NSD3: variants seen among roughly 807,000 people sequenced by gnomAD.
The protein encoded by NSD3 is nuclear receptor binding SET domain protein 3.
A neutral mutation model predicts 160.8 loss-of-function variants in NSD3; 24 were observed. That is an observed-to-expected ratio of 0.15 (90% CI 0.11 to 0.21). The LOEUF (loss-of-function observed/expected upper bound fraction) is 0.21, where lower values mean the gene tolerates loss of function less well. Ranked by LOEUF, NSD3 falls within the 10% of genes least tolerant of loss-of-function variation. NSD3 has a pLI of 1.00. For synonymous variants in NSD3, 520 were observed against 600.0 expected (o/e 0.87, Z 1.95); for missense variants, 1,157 against 1,735.9 (o/e 0.67, Z 5.93).
intron 8 of NSD3, chr8:38,320,856 T>C (rs955116771): frequency 2.6e-6 from 1 of 391,058 alleles, no homozygotes; most frequent in Non-Finnish European, 4.5e-6. Context: ...TGGCTTCCCA[T>C]CTCCTGAAAC....
At chr8:38,358,297 A>C (rs1810873400) in intron 1 of NSD3, among the ~76,000 whole-genome samples, 1 of 152,164 alleles carries the variant, frequency 6.6e-6, no homozygotes, top group South Asian at 2.1e-4. Flanking sequence ...AAAATGGTGG[A>C]ATATAATATG....
intron 16 of NSD3, among the ~76,000 whole-genome samples, chr8:38,293,694 G>A (rs1272669032): frequency 4.6e-5 from 7 of 151,356 alleles, no homozygotes; most frequent in Non-Finnish European, 8.8e-5. Flanking sequence ...AGGCCGAGGC[G>A]GGCGGATCAG....
Position 38,321,233 on chromosome 8 carries a change from A to G in NSD3, c.1709-61T>C, listed in dbSNP as rs549224933. 43 of 1,385,372 alleles carry G rather than the reference A, an allele frequency of 3.1e-5. No individual in the cohort carries two copies. The South Asian group carries it at 5.2e-4, about 17-fold the overall frequency. The allele number at this position is 1,385,372 out of a possible 1,614,324, so 85.8% of individuals were successfully genotyped here. ...CTTAAGGATACCTTGACATCTATGTAATTAAGATATGACCACATTCCTTGC... is the reference window on the plus strand; with the variant it reads ...CTTAAGGATACCTTGACATCTATGTGATTAAGATATGACCACATTCCTTGC... On this transcript the variant is annotated intron_variant, in intron 7 of 23. Transcript: ENST00000317025. This position sits in a 1 kb window ranked among gnomAD's most constrained non-coding sequence, Gnocchi z 4.7.
At chr8:38,336,692 T>G (rs1212424638) in intron 4 of NSD3, among the ~76,000 whole-genome samples, 1 of 152,164 alleles carries the variant, frequency 6.6e-6, no homozygotes. Flanking sequence ...TTAGGAAATA[T>G]GAGGTCATAT....
intron 1 of NSD3, among the ~76,000 whole-genome samples, chr8:38,376,042 C>G (rs117981530): frequency 6.6e-6 from 1 of 152,130 alleles, no homozygotes; most frequent in East Asian, 1.9e-4. Context: ...AGATTTTTAA[C>G]TTGTTTTCAA....
chr8:38,369,036 T>C (rs927228282), intron 1 of NSD3, among the ~76,000 whole-genome samples: 1 of 152,204 alleles, frequency 6.6e-6, no homozygotes, highest in African/African-American at 2.4e-5. Context: ...CAAAAGAGAA[T>C]GTATGCCAAA....
intron 1 of NSD3, among the ~76,000 whole-genome samples, chr8:38,365,089 G>C (rs1458823835): frequency 6.6e-6 from 1 of 152,194 alleles, no homozygotes; most frequent in African/African-American, 2.4e-5. Context: ...GAGGCAGATA[G>C]AATTTATTTA....
intron 15 of NSD3, among the ~76,000 whole-genome samples, chr8:38,296,343 A>C (rs570775207): frequency 6.6e-6 from 1 of 152,356 alleles, no homozygotes; most frequent in East Asian, 1.9e-4. Flanking sequence ...TCTCCTTCAG[A>C]GGTAAGAAAG....
At chr8:38,281,182 C>A (rs1239225477) in intron 20 of NSD3, among the ~76,000 whole-genome samples, 1 of 152,158 alleles carries the variant, frequency 6.6e-6, no homozygotes, top group African/African-American at 2.4e-5. Context: ...AGGCCCAGGA[C>A]TTTTTTGACA....
intron 4 of NSD3, among the ~76,000 whole-genome samples, chr8:38,331,843 C>T (rs944045418): frequency 6.6e-6 from 1 of 152,060 alleles, no homozygotes; most frequent in Non-Finnish European, 1.5e-5. Context: ...CAAAACAAAA[C>T]AAAACAAAAC....
In NSD3 at chr8:38,271,139, G is replaced by A. The variant is rs1808460320; in HGVS notation, c.*4502C>T. 1 of 152,188 alleles carries A rather than the reference G, an allele frequency of 6.6e-6. No homozygotes were observed. The highest frequency in any genetic ancestry group is 2.1e-4 in the South Asian group (1 of 4,830). The allele number at this position is 152,188 out of a possible 1,614,324, so 9.4% of individuals were successfully genotyped here. Reference sequence around the variant, plus strand: ...TCATGCAGGAGTCTCTTCCTCAAATGTGTTCAATCAATCTGAGCTATCTAC... The same window carrying A: ...TCATGCAGGAGTCTCTTCCTCAAATATGTTCAATCAATCTGAGCTATCTAC... On this transcript the variant is annotated 3_prime_UTR_variant, in exon 24 of 24. Coordinates refer to ENST00000317025, the MANE Select transcript of NSD3 (RefSeq NM_023034.2).
chr8:38,308,475 G>C (rs1809457732), intron 12 of NSD3, among the ~76,000 whole-genome samples: 1 of 152,128 alleles, frequency 6.6e-6, no homozygotes, highest in Admixed American at 6.5e-5. Flanking sequence ...AAGGTAGGAA[G>C]TTTGACTTCA....
intron 7 of NSD3, among the ~76,000 whole-genome samples, chr8:38,325,347 T>C (rs368449536): frequency 6.6e-6 from 1 of 152,240 alleles, no homozygotes; most frequent in East Asian, 1.9e-4. Context: ...TTTTTTCTAC[T>C]ATAGTCGCTT....
At position 38,343,270 on chromosome 8, in the gene NSD3, A is replaced by G. The variant is rs76285262; in HGVS notation, c.675+4227T>C. ...AATAATATTACTTATATAAATTTCA[A>G]AAACATAGAGTAAAATCATAGTCCC... is the stretch of plus-strand genomic sequence containing the variant. On this transcript the variant is annotated intron_variant, in intron 2 of 23. Transcript: ENST00000317025. Among the ~76,000 whole-genome samples the G allele has an allele frequency of 6.6e-3, 1,003 of 152,304 alleles. 10 individuals carry two copies. Among genetic ancestry groups the G allele is most frequent in the African/African-American group, 0.023 (941 of 41,570 alleles).
chr8:38,290,920 T>C (rs947917138), intron 16 of NSD3, among the ~76,000 whole-genome samples: 3 of 152,144 alleles, frequency 2.0e-5, no homozygotes, highest in Non-Finnish European at 4.4e-5. Context: ...TTATAAAATA[T>C]ATATCATGAA....
intron 1 of NSD3, among the ~76,000 whole-genome samples, chr8:38,353,296 T>C (rs1388003302): frequency 6.6e-6 from 1 of 152,228 alleles, no homozygotes; most frequent in Non-Finnish European, 1.5e-5. Flanking sequence ...CAAAAATGTA[T>C]AGCTCACAGC....
intron 14 of NSD3, among the ~76,000 whole-genome samples, chr8:38,301,853 G>C (rs576188288): frequency 6.6e-6 from 1 of 152,238 alleles, no homozygotes; most frequent in African/African-American, 2.4e-5. Flanking sequence ...AAAATAAATT[G>C]CTATTATTTA....
intron 2 of NSD3, among the ~76,000 whole-genome samples, chr8:38,341,574 C>T (rs2150380705): frequency 6.6e-6 from 1 of 150,980 alleles, no homozygotes; most frequent in South Asian, 2.1e-4. Flanking sequence ...ATCTAAGAAT[C>T]AAAGGACGAA....
At chr8:38,370,611 A>C (rs1221781112) in intron 1 of NSD3, among the ~76,000 whole-genome samples, 1 of 152,142 alleles carries the variant, frequency 6.6e-6, no homozygotes, top group Admixed American at 6.5e-5. Flanking sequence ...GTTCCTGTAT[A>C]CTGTACTACT....
Sources: gnomAD v4.1 joint callset for allele counts (sites outside exome capture counted in the v4.1 genomes callset) on GRCh38, gnomAD v4.1.1 for gene constraint, Gnocchi (gnomAD v3.1) non-coding constraint, MANE v1.5 for transcripts, NCBI Gene and HGNC (gene_info 2026-07-23, HGNC 2026-07-21) for gene names.